The following FBXW10B variants were observed in gnomAD, a reference collection of about 807,000 sequenced individuals.
The protein encoded by FBXW10B is F-box and WD repeat domain containing protein 10B.
the FBXW10B span, among the ~76,000 whole-genome samples, chr17:15,590,070 G>A: frequency 1.3e-5 from 2 of 151,716 alleles, no homozygotes; most frequent in East Asian, 1.9e-4. Context: ...CAAGGAAGCC[G>A]GCGGCGCTGC....
At chr17:15,573,849 T>C in the FBXW10B span, 609 of 350,656 alleles carry the variant, frequency 1.7e-3, 1 homozygote, top group Middle Eastern at 7.9e-3. Context: ...ACATTTTCTA[T>C]AATTTTTTTT....
the FBXW10B span, chr17:15,594,923 G>C: frequency 6.2e-7 from 1 of 1,611,586 alleles, no homozygotes; most frequent in African/African-American, 1.3e-5. Flanking sequence ...CTTCAACTCA[G>C]ACTGTGACTC....
the FBXW10B span, chr17:15,594,627 G>A: frequency 2.0e-6 from 2 of 1,019,818 alleles, no homozygotes; most frequent in East Asian, 5.2e-5. Flanking sequence ...AGCAGAGAGG[G>A]TGAGGTGCAG....
chr17:15,569,447 T>C, the FBXW10B span, among the ~76,000 whole-genome samples: 1 of 144,340 alleles, frequency 6.9e-6, no homozygotes, highest in Non-Finnish European at 1.5e-5. Context: ...TTTTTTCTTT[T>C]TCTTTTTCTT....
At chr17:15,618,647 C>T in the FBXW10B span, among the ~76,000 whole-genome samples, 1 of 152,068 alleles carries the variant, frequency 6.6e-6, no homozygotes, top group South Asian at 2.1e-4. Flanking sequence ...CCTTTACAAC[C>T]CTCTCAAGCT....
chr17:15,590,630 C>A, the FBXW10B span, among the ~76,000 whole-genome samples: 64 of 149,922 alleles, frequency 4.3e-4, 1 homozygote, highest in African/African-American at 1.4e-3. Flanking sequence ...CTGGAGCTCA[C>A]CTGACTTGAC....
the FBXW10B span, among the ~76,000 whole-genome samples, chr17:15,602,363 G>C: frequency 2.6e-5 from 4 of 151,926 alleles, no homozygotes; most frequent in Non-Finnish European, 5.9e-5. Flanking sequence ...TAGTTGCTGT[G>C]GGGGAGAAAC....
chr17:15,593,916 A>G, the FBXW10B span, among the ~76,000 whole-genome samples: 1,097 of 152,068 alleles, frequency 7.2e-3, 19 homozygotes, highest in African/African-American at 0.025. Flanking sequence ...GGCATGCGCC[A>G]CCATGCCCGG....
the FBXW10B span, chr17:15,596,491 A>C: frequency 6.5e-7 from 1 of 1,548,812 alleles, no homozygotes; most frequent in Non-Finnish European, 8.8e-7. Context: ...CCTTTCCGCC[A>C]AGGTAGCCCA....
chr17:15,615,072 G>A, the FBXW10B span, among the ~76,000 whole-genome samples: 1 of 152,126 alleles, frequency 6.6e-6, no homozygotes, highest in Non-Finnish European at 1.5e-5. Flanking sequence ...TTTCAGATGT[G>A]TCTTGTGGGC....
At chr17:15,569,455 C>CTTTTTTTT in the FBXW10B span, among the ~76,000 whole-genome samples, 30 of 59,198 alleles carry the variant, frequency 5.1e-4, no homozygotes, top group East Asian at 7.0e-4. Context: ...TTTTCTTTTT[C>CTTTTTTTT]TTTTTTTTTT....
chr17:15,598,060 G>A, the FBXW10B span, among the ~76,000 whole-genome samples: 1 of 152,062 alleles, frequency 6.6e-6, no homozygotes, highest in Non-Finnish European at 1.5e-5. Flanking sequence ...TATATTTTAT[G>A]TATATATCTT....
the FBXW10B span, among the ~76,000 whole-genome samples, chr17:15,591,091 G>A: frequency 6.7e-6 from 1 of 150,330 alleles, no homozygotes; most frequent in East Asian, 1.9e-4. Flanking sequence ...TCTTGCTGAG[G>A]GCTAGAGGCC....
chr17:15,570,893 T>A, the FBXW10B span, among the ~76,000 whole-genome samples: 1 of 152,148 alleles, frequency 6.6e-6, no homozygotes, highest in Non-Finnish European at 1.5e-5. Flanking sequence ...TAAACTGTAC[T>A]TCATCAAAAT....
the FBXW10B span, among the ~76,000 whole-genome samples, chr17:15,583,543 G>A: frequency 0.17 from 24,054 of 140,604 alleles, 2,818 homozygotes; most frequent in Non-Finnish European, 0.22. Context: ...CAGGGAATGC[G>A]GTATTAGGCT....
the FBXW10B span, among the ~76,000 whole-genome samples, chr17:15,599,065 C>A: frequency 1.3e-5 from 2 of 151,748 alleles, no homozygotes; most frequent in Admixed American, 1.3e-4. Context: ...ATCCCAGCTA[C>A]TCAGGAGGCT....
At chr17:15,612,300 G>A in the FBXW10B span, among the ~76,000 whole-genome samples, 2 of 151,780 alleles carry the variant, frequency 1.3e-5, no homozygotes, top group Non-Finnish European at 2.9e-5. Context: ...AAGGTCAGGA[G>A]ATCAAGACCA....
chr17:15,607,000 T>G, the FBXW10B span, among the ~76,000 whole-genome samples: 1 of 152,112 alleles, frequency 6.6e-6, no homozygotes, highest in African/African-American at 2.4e-5. Flanking sequence ...CATATTGAAA[T>G]GATGTCAGAG....
chr17:15,610,372 G>T, the FBXW10B span, among the ~76,000 whole-genome samples: 1 of 151,242 alleles, frequency 6.6e-6, no homozygotes. Flanking sequence ...TCTTTGTTGT[G>T]CTTATCTGGG....
Sources: gnomAD v4.1 joint callset for allele counts (sites outside exome capture counted in the v4.1 genomes callset) on GRCh38, gnomAD v4.1.1 for gene constraint, MANE v1.5 for transcripts, NCBI Gene and HGNC (gene_info 2026-07-23, HGNC 2026-07-21) for gene names.